CLNK: variants seen among roughly 807,000 people sequenced by gnomAD.
CLNK encodes the protein cytokine-dependent hematopoietic cell linker.
Under a neutral mutation model 68.6 loss-of-function variants are expected in CLNK, and 74 were observed. The observed-to-expected ratio is 1.08, with a 90% CI of 0.89 to 1.31. The LOEUF (loss-of-function observed/expected upper bound fraction) is 1.31. CLNK is among the 50% of genes most tolerant of loss of function. The pLI, the probability that CLNK is intolerant of heterozygous loss-of-function variation, is 0.00. For synonymous variants in CLNK, 198 were observed against 172.2 expected, an observed-to-expected ratio of 1.15 and a Z score of -1.17; for missense variants, 553 against 515.3, an observed-to-expected ratio of 1.07 and a Z score of -0.71.
intron 18 of CLNK, among the ~76,000 whole-genome samples, chr4:10,494,242 C>T (rs1716712137): frequency 6.6e-6 from 1 of 152,080 alleles, no homozygotes; most frequent in African/African-American, 2.4e-5. Context: ...TGGTTAAATC[C>T]ACATCACAAA....
chr4:10,669,853 G>A (rs1577209649), intron 1 of CLNK, among the ~76,000 whole-genome samples: 1 of 152,308 alleles, frequency 6.6e-6, no homozygotes, highest in Non-Finnish European at 1.5e-5. Flanking sequence ...CACTGTGGCA[G>A]TGTGTAGAGT....
chr4:10,592,435 T>C (rs1324843665), intron 3 of CLNK, among the ~76,000 whole-genome samples: 1 of 152,136 alleles, frequency 6.6e-6, no homozygotes, highest in Non-Finnish European at 1.5e-5. Context: ...AATCCCTTCA[T>C]CCACTCTCTG....
At chr4:10,604,857 A>G (rs1196203059) in intron 2 of CLNK, among the ~76,000 whole-genome samples, 1 of 152,244 alleles carries the variant, frequency 6.6e-6, no homozygotes, top group East Asian at 1.9e-4. Context: ...TGGCTAGGCT[A>G]TGGTGCCCAG....
chr4:10,621,468 G>C (rs563015868), intron 2 of CLNK, among the ~76,000 whole-genome samples: 4 of 152,298 alleles, frequency 2.6e-5, no homozygotes, highest in South Asian at 4.1e-4. Flanking sequence ...GGTCCAGTGG[G>C]TGTCCTTTGA....
chr4:10,673,299 G>T (rs1240707742), intron 1 of CLNK, among the ~76,000 whole-genome samples: 5 of 152,156 alleles, frequency 3.3e-5, no homozygotes, highest in African/African-American at 4.8e-5. Context: ...GATCTACACA[G>T]CTTTCTATGG....
intron 1 of CLNK, among the ~76,000 whole-genome samples, chr4:10,683,077 A>T (rs1206832337): frequency 6.6e-6 from 1 of 152,186 alleles, no homozygotes; most frequent in East Asian, 1.9e-4. Flanking sequence ...ATATTATATT[A>T]TTGAGGCTAA....
rs1366376368 is a variant in CLNK at position 10,672,960 on chromosome 4, T to C, written c.-42-5049A>G. Among the ~76,000 whole-genome samples the C allele has an allele frequency of 2.0e-5, 3 of 152,194 alleles. No individual in the cohort carries two copies. In the East Asian group the frequency reaches 5.8e-4, roughly 29 times the overall value. The stretch of plus-strand genomic sequence containing the variant: ...GACATTTAGGAACTGGCACTGCTTG[T>C]AAATAATCCTCCATACACTTAGAAT... On this transcript the variant is annotated intron_variant, in intron 1 of 18. Transcript: ENST00000226951.
the CLNK span, among the ~76,000 whole-genome samples, chr4:10,716,007 G>A: frequency 6.6e-6 from 1 of 152,156 alleles, no homozygotes; most frequent in Non-Finnish European, 1.5e-5. Flanking sequence ...TGTTTGAGAA[G>A]GTAGGAAAGT....
At chr4:10,573,231 T>A (rs1052227226) in intron 4 of CLNK, among the ~76,000 whole-genome samples, 1 of 152,200 alleles carries the variant, frequency 6.6e-6, no homozygotes, top group African/African-American at 2.4e-5. Flanking sequence ...AAATCTTTTC[T>A]AAGGTGTAAT....
Position 10,658,604 on chromosome 4 carries a change from A to T in CLNK, c.11+9255T>A, listed in dbSNP as rs569727929. Among the ~76,000 whole-genome samples the T allele has an allele frequency of 2.6e-5, 4 of 152,226 alleles. No individual in the cohort carries two copies. In the South Asian group the frequency reaches 8.3e-4, roughly 32 times the overall value. ...GTGCCCCAGCCTCCCTATCTCCCCA[A>T]AGGGTGTCTCCCCAGGGCTTCTCCG... On this transcript the variant is annotated intron_variant, in intron 2 of 18. Coordinates refer to ENST00000226951, the MANE Select transcript of CLNK (RefSeq NM_052964.4).
chr4:10,727,083 C>T, the CLNK span, among the ~76,000 whole-genome samples: 1 of 152,140 alleles, frequency 6.6e-6, no homozygotes, highest in African/African-American at 2.4e-5. Context: ...GCCTGAGACT[C>T]ACAAGCAGGC....
chr4:10,547,701 TTGAC>T (rs988525580), intron 8 of CLNK, among the ~76,000 whole-genome samples: 3 of 152,266 alleles, frequency 2.0e-5, no homozygotes, highest in Admixed American at 2.0e-4. Flanking sequence ...TTCTATGAGT[TTGAC>T]TGTGTTAGGT....
chr4:10,538,073 T>C (rs1718869129), intron 11 of CLNK, among the ~76,000 whole-genome samples: 1 of 152,106 alleles, frequency 6.6e-6, no homozygotes, highest in African/African-American at 2.4e-5. Flanking sequence ...AATGCTTTTT[T>C]CTCCACACTG....
intron 15 of CLNK, among the ~76,000 whole-genome samples, chr4:10,518,296 C>G (rs1217995411): frequency 2.6e-5 from 4 of 152,138 alleles, no homozygotes; most frequent in Non-Finnish European, 2.9e-5. Context: ...ACCACTCCAT[C>G]AAGACTAGCT....
chr4:10,687,251 A>T (rs1725303479), upstream of CLNK, among the ~76,000 whole-genome samples: 1 of 152,056 alleles, frequency 6.6e-6, no homozygotes, highest in Admixed American at 6.6e-5. Flanking sequence ...TTCGAATCTA[A>T]TATAATAGAG....
intron 18 of CLNK, 27 bp from the exon 19 acceptor site, chr4:10,490,640 A>G: frequency 2.6e-6 from 4 of 1,542,886 alleles, no homozygotes; most frequent in Non-Finnish European, 3.5e-6. Flanking sequence ...AAAGTTAATG[A>G]CTTTTAAAAT....
intron 18 of CLNK, among the ~76,000 whole-genome samples, chr4:10,500,399 G>A (rs1716989935): frequency 6.6e-6 from 1 of 152,190 alleles, no homozygotes; most frequent in African/African-American, 2.4e-5. Flanking sequence ...AGATACTGCT[G>A]GCTGGGCACA....
intron 2 of CLNK, among the ~76,000 whole-genome samples, chr4:10,643,733 G>A (rs750921297): frequency 5.0e-4 from 76 of 152,306 alleles, no homozygotes; most frequent in Middle Eastern, 3.4e-3. Context: ...TACCAATTCA[G>A]TTGTAAACTC....
Position 10,566,069 on chromosome 4 carries a change from C to G in CLNK, c.232G>C (p.Glu78Gln). 6.2e-7 allele frequency: 1 copy of G among 1,613,954 alleles called. No individual in the cohort carries two copies. Among genetic ancestry groups the G allele is most frequent in the Non-Finnish European group, 8.5e-7 (1 of 1,179,864 alleles). ...DYDDPELRMEETWQSIKILPA... is the reference protein window; with the variant it reads ...DYDDPELRMEQTWQSIKILPA... ...AAAATTTTAATCGACTGCCATGTCT[C>G]TTCCATCCGAAGCTCAGGGTCATCA... Residue 78 changes from glutamate to glutamine, a missense_variant, in exon 6 of 19, where the codon GAG (glutamate) becomes CAG (glutamine). Physicochemically the swap from Glu to Gln is conservative, Grantham distance 29. Transcript: ENST00000226951.
Sources: allele counts gnomAD v4.1 joint callset (sites outside exome capture counted in the v4.1 genomes callset), GRCh38; gene constraint gnomAD v4.1.1; transcripts MANE v1.5; gene names NCBI Gene and HGNC (gene_info 2026-07-23, HGNC 2026-07-21).